EFCAB6: variants seen among roughly 807,000 people sequenced by gnomAD.
The protein encoded by EFCAB6 is EF-hand calcium binding domain 6, also known as EF-hand calcium-binding domain-containing protein 6.
A neutral mutation model predicts 169.8 loss-of-function variants in EFCAB6; 156 were observed. The ratio of observed to expected loss-of-function variants is 0.92; its 90% CI spans 0.81 to 1.05. The LOEUF (loss-of-function observed/expected upper bound fraction) is 1.05, where lower values mean the gene tolerates loss of function less well. EFCAB6 is among the 50% of genes least tolerant of loss of function. The pLI is 0.00. For synonymous variants in EFCAB6, 698 were observed against 676.4 expected, an observed-to-expected ratio of 1.03 and a Z score of -0.50; for missense variants, 1,800 against 1,829.1, an observed-to-expected ratio of 0.98 and a Z score of 0.29.
At chr22:43,620,563 C>T (rs2054049219) in intron 20 of EFCAB6, among the ~76,000 whole-genome samples, 1 of 152,052 alleles carries the variant, frequency 6.6e-6, no homozygotes, top group African/African-American at 2.4e-5. Flanking sequence ...AATTTGTCTC[C>T]AACAGACCTG....
chr22:43,745,716 C>T (rs535304373), intron 6 of EFCAB6, among the ~76,000 whole-genome samples: 5 of 152,274 alleles, frequency 3.3e-5, no homozygotes, highest in Non-Finnish European at 2.9e-5. Context: ...ATTTCTCTTA[C>T]AATAAACACA....
At chr22:43,741,946 G>A (rs2147750112) in intron 6 of EFCAB6, among the ~76,000 whole-genome samples, 1 of 152,134 alleles carries the variant, frequency 6.6e-6, no homozygotes. Flanking sequence ...CCAGCGCCTG[G>A]CGGGAGGAGT....
chr22:43,625,685 T>C (rs1420166941), intron 20 of EFCAB6, among the ~76,000 whole-genome samples: 1 of 152,240 alleles, frequency 6.6e-6, no homozygotes, highest in African/African-American at 2.4e-5. Flanking sequence ...GGGGAGGGGC[T>C]GGAGGAGGTT....
chr22:43,811,443 G>A (rs969776916), intron 1 of EFCAB6, among the ~76,000 whole-genome samples: 7 of 152,012 alleles, frequency 4.6e-5, no homozygotes, highest in African/African-American at 9.7e-5. Context: ...TCTTAACAGG[G>A]GCAAGACATC....
intron 17 of EFCAB6, among the ~76,000 whole-genome samples, chr22:43,663,682 G>A (rs2057112932): frequency 6.6e-6 from 1 of 152,200 alleles, no homozygotes; most frequent in South Asian, 2.1e-4. Flanking sequence ...GTTTGTTATG[G>A]ACTGAATGTT....
intron 17 of EFCAB6, among the ~76,000 whole-genome samples, chr22:43,663,804 A>C (rs1405454164): frequency 6.6e-6 from 1 of 152,202 alleles, no homozygotes; most frequent in Non-Finnish European, 1.5e-5. Flanking sequence ...TGCCGTGAGA[A>C]GTCTACAGTG....
At chr22:43,669,167 G>A (rs2057382657) in intron 15 of EFCAB6, 122 bp from the exon 16 acceptor site, 3 of 824,040 alleles carry the variant, frequency 3.6e-6, no homozygotes, top group Non-Finnish European at 5.2e-6. Context: ...TGGTGGGAAT[G>A]TAAAATGGTA....
rs2047011443 is a variant in EFCAB6, at chr22:43,530,814, C to A, written c.4383+1G>T. 6.2e-7 allele frequency: 1 copy of A among 1,613,380 alleles called. No homozygotes were observed. Among genetic ancestry groups the A allele is most frequent in the African/African-American group, 1.3e-5 (1 of 74,926 alleles). Reference sequence around the variant, plus strand: ...GGCACTGGGCGCAGAGCTGTGCTCACCGTCCTGAAATCTGCGACGCTTAGC... The same window carrying A: ...GGCACTGGGCGCAGAGCTGTGCTCAACGTCCTGAAATCTGCGACGCTTAGC... On this transcript the variant is annotated splice_donor_variant, in intron 31 of 31. Coordinates refer to ENST00000262726, the MANE Select transcript of EFCAB6 (RefSeq NM_022785.4). LOFTEE classifies it high-confidence loss of function.
At chr22:43,748,254 C>G (rs1265206957) in intron 6 of EFCAB6, among the ~76,000 whole-genome samples, 3 of 152,242 alleles carry the variant, frequency 2.0e-5, no homozygotes, top group African/African-American at 7.2e-5. Flanking sequence ...TCATCCTCCT[C>G]CTGACCCATG....
Position 43,669,048 on chromosome 22 carries a change from G to A in EFCAB6, c.1641-3C>T, listed in dbSNP as rs1156356206. The A allele has an allele frequency of 1.9e-6, 3 of 1,592,138 alleles. No individual in the cohort carries two copies. The highest frequency in any genetic ancestry group is 2.6e-6 in the Non-Finnish European group (3 of 1,170,696). The stretch of plus-strand genomic sequence containing the variant: ...TGTCCTGAATCTTACTGCAGAGTCT[G>A]AATTTTAAAAAATAATTAAAACACA... On this transcript the variant is annotated splice_polypyrimidine_tract_variant and splice_region_variant and intron_variant, in intron 15 of 31. Coordinates refer to ENST00000262726, the MANE Select transcript of EFCAB6 (RefSeq NM_022785.4).
At chr22:43,724,391 G>T (rs1400916173) in intron 8 of EFCAB6, among the ~76,000 whole-genome samples, 2 of 141,680 alleles carry the variant, frequency 1.4e-5, no homozygotes, top group African/African-American at 5.2e-5. Context: ...TTTTTGAGAA[G>T]GAGTCTCGCT....
At chr22:43,761,691 T>G (rs901696773) in intron 5 of EFCAB6, among the ~76,000 whole-genome samples, 3 of 152,232 alleles carry the variant, frequency 2.0e-5, no homozygotes, top group Non-Finnish European at 4.4e-5. Flanking sequence ...TGACATCTAT[T>G]GGTTTGTAGT....
At chr22:43,715,277 T>C (rs556903390) in intron 9 of EFCAB6, among the ~76,000 whole-genome samples, 1 of 152,194 alleles carries the variant, frequency 6.6e-6, no homozygotes, top group Non-Finnish European at 1.5e-5. Context: ...AGGGACTGGA[T>C]AAGCCTGCAC....
At chr22:43,735,744 G>A in intron 7 of EFCAB6, 113 bp downstream of exon 7, 1 of 1,234,068 alleles carries the variant, frequency 8.1e-7, no homozygotes, top group South Asian at 1.4e-5. Flanking sequence ...AGGTGTGTGT[G>A]TGTGGCAGGG....
intron 9 of EFCAB6, among the ~76,000 whole-genome samples, chr22:43,715,945 A>T (rs1321046719): frequency 2.6e-5 from 4 of 152,222 alleles, no homozygotes; most frequent in Non-Finnish European, 5.9e-5. Context: ...AGTTCTATGA[A>T]TGTTGGGAAT....
chr22:43,560,517 G>A (rs940977802), intron 26 of EFCAB6, among the ~76,000 whole-genome samples: 2 of 152,186 alleles, frequency 1.3e-5, no homozygotes, highest in African/African-American at 4.8e-5. Flanking sequence ...TCAACGTAAA[G>A]GTAACCTTGG....
chr22:43,746,468 A>T (rs2060567500), intron 6 of EFCAB6, among the ~76,000 whole-genome samples: 1 of 152,230 alleles, frequency 6.6e-6, no homozygotes, highest in Admixed American at 6.5e-5. Context: ...TCCACAGGCC[A>T]TGTAAACCTT....
At chr22:43,663,776 G>A (rs529150735) in intron 17 of EFCAB6, among the ~76,000 whole-genome samples, 1 of 152,326 alleles carries the variant, frequency 6.6e-6, no homozygotes, top group South Asian at 2.1e-4. Context: ...ATCCCAGAGA[G>A]CTCTCTTGCC....
At chr22:43,630,892 C>A (rs2054892550) in intron 19 of EFCAB6, among the ~76,000 whole-genome samples, 1 of 150,696 alleles carries the variant, frequency 6.6e-6, no homozygotes, top group African/African-American at 2.5e-5. Flanking sequence ...ATATGGCGAT[C>A]ATATTTTTTC....
Sources: gnomAD v4.1 joint callset for allele counts (sites outside exome capture counted in the v4.1 genomes callset) on GRCh38, gnomAD v4.1.1 for gene constraint, MANE v1.5 for transcripts, NCBI Gene and HGNC (gene_info 2026-07-23, HGNC 2026-07-21) for gene names.